The following CALN1 variants were observed in gnomAD, a reference collection of about 807,000 sequenced individuals.
CALN1 encodes calcium-binding protein 8.
CALN1 carries 17 observed loss-of-function variants against 30.6 expected under a neutral mutation model. That is an observed-to-expected ratio of 0.56 (90% CI 0.38 to 0.83). The LOEUF (loss-of-function observed/expected upper bound fraction) is 0.83, where lower values mean the gene tolerates loss of function less well. Among genes scored for constraint, CALN1 ranks in the 40% least tolerant of loss-of-function variants. The pLI is 0.00. For synonymous variants in CALN1, 156 were observed against 131.4 expected (o/e 1.19, Z -1.28); for missense variants, 291 against 354.9 (o/e 0.82, Z 1.45).
intron 5 of CALN1, among the ~76,000 whole-genome samples, chr7:71,936,225 G>A (rs1311728751): frequency 2.0e-5 from 3 of 152,038 alleles, no homozygotes; most frequent in East Asian, 1.9e-4. Context: ...TGGACTGGGC[G>A]CGGTGGCTCA....
intron 2 of CALN1, among the ~76,000 whole-genome samples, chr7:72,327,522 C>T (rs980720810): frequency 1.3e-5 from 2 of 152,194 alleles, no homozygotes; most frequent in African/African-American, 2.4e-5. Flanking sequence ...CTTCATTGAA[C>T]GTTTTTCTTT....
chr7:72,407,958 TGA>T (rs1806818090), intron 1 of CALN1, among the ~76,000 whole-genome samples: 1 of 152,128 alleles, frequency 6.6e-6, no homozygotes, highest in South Asian at 2.1e-4. Context: ...AGCTTGTTCC[TGA>T]GAGTATCCAA....
intron 2 of CALN1, among the ~76,000 whole-genome samples, chr7:72,338,767 G>A (rs1206504972): frequency 2.6e-5 from 4 of 151,996 alleles, no homozygotes; most frequent in Non-Finnish European, 5.9e-5. Context: ...ATGGAGAACC[G>A]GGTAGCATTC....
chr7:72,300,066 G>A (rs373609344), intron 2 of CALN1, among the ~76,000 whole-genome samples: 2 of 151,666 alleles, frequency 1.3e-5, no homozygotes, highest in Non-Finnish European at 2.9e-5. Flanking sequence ...ATTTTTAACA[G>A]AGATAGGGTT....
chr7:72,300,139 C>T (rs1799154877), intron 2 of CALN1, among the ~76,000 whole-genome samples: 1 of 151,986 alleles, frequency 6.6e-6, no homozygotes, highest in South Asian at 2.1e-4. Flanking sequence ...CTCGTCCTCC[C>T]AAAGTGCTGG....
intron 5 of CALN1, among the ~76,000 whole-genome samples, chr7:71,874,228 T>C (rs940857458): frequency 7.0e-6 from 1 of 143,444 alleles, no homozygotes; most frequent in South Asian, 2.2e-4. Context: ...TGAGCTGAGA[T>C]CTCACCACTG....
intron 3 of CALN1, among the ~76,000 whole-genome samples, chr7:72,263,965 C>T (rs1293385799): frequency 1.3e-5 from 2 of 152,194 alleles, no homozygotes; most frequent in Non-Finnish European, 2.9e-5. Context: ...CCTTGCTGAA[C>T]TGCTTTGCAT....
intron 2 of CALN1, among the ~76,000 whole-genome samples, chr7:72,281,945 A>C (rs1410744670): frequency 6.6e-6 from 1 of 152,216 alleles, no homozygotes; most frequent in African/African-American, 2.4e-5. Context: ...TTCTGAAAAA[A>C]AAAGGCAGCT....
chr7:71,974,418 A>AG (rs1798000134), intron 5 of CALN1, among the ~76,000 whole-genome samples: 1 of 58,190 alleles, frequency 1.7e-5, no homozygotes. Flanking sequence ...ACTCCATCTC[A>AG]AAAAAAAAAA....
intron 5 of CALN1, among the ~76,000 whole-genome samples, chr7:72,017,575 G>T (rs972025477): frequency 6.6e-6 from 1 of 152,100 alleles, no homozygotes; most frequent in Admixed American, 6.6e-5. Flanking sequence ...GTGTGTGCTC[G>T]GGAGTATTGC....
intron 3 of CALN1, among the ~76,000 whole-genome samples, chr7:72,125,844 C>A (rs10434994): frequency 6.9e-6 from 1 of 145,976 alleles, no homozygotes; most frequent in African/African-American, 2.5e-5. Context: ...CCCTGTCGCC[C>A]AGGCTAGAGT....
chr7:72,126,394 A>T (rs555894748), intron 3 of CALN1, among the ~76,000 whole-genome samples: 1 of 152,272 alleles, frequency 6.6e-6, no homozygotes, highest in Admixed American at 6.5e-5. Flanking sequence ...TGACTCCAGC[A>T]ACTGGAAGAA....
chr7:72,163,392 T>A (rs55775264), intron 3 of CALN1, among the ~76,000 whole-genome samples: 36,462 of 77,576 alleles, frequency 0.47, 5,816 homozygotes, highest in African/African-American at 0.49. Flanking sequence ...TATTGGAGAT[T>A]AAAAAAAAAA....
the CALN1 span, among the ~76,000 whole-genome samples, chr7:72,501,982 C>T: frequency 6.2e-5 from 7 of 112,828 alleles, no homozygotes; most frequent in Admixed American, 1.9e-4. Context: ...TATATACACA[C>T]ATATATATAT....
chr7:71,859,771 T>C (rs1048194790), intron 5 of CALN1, among the ~76,000 whole-genome samples: 1 of 152,184 alleles, frequency 6.6e-6, no homozygotes, highest in Non-Finnish European at 1.5e-5. Flanking sequence ...ACTGAGCCCA[T>C]GCGGACACGG....
chr7:72,183,507 G>T (rs1789965211), intron 3 of CALN1, among the ~76,000 whole-genome samples: 1 of 152,176 alleles, frequency 6.6e-6, no homozygotes, highest in Non-Finnish European at 1.5e-5. Flanking sequence ...AGGACTTGGT[G>T]ACTGCTAAAA....
chr7:72,190,842 TA>T lies in CALN1; in HGVS notation c.245-84549del, dbSNP rs1044559798. Among the ~76,000 whole-genome samples the T allele has an allele frequency of 5.9e-4, 50 of 85,344 alleles. No homozygotes were observed. The East Asian group carries it at 0.047, about 80-fold the overall frequency. 56.0% of individuals were successfully genotyped at this position (85,344 alleles called of 152,430 possible). On this transcript the variant is annotated intron_variant, in intron 3 of 6. Coordinates refer to ENST00000395275, the MANE Select transcript of CALN1 (RefSeq NM_031468.4). ...TGCCTACATCTGTACATCGATTTAT[TA>T]TTATTTTTTTTCAGTTAAAAAATGT... is the stretch of plus-strand genomic sequence containing the variant.
chr7:72,395,546 T>C (rs1014536681), intron 2 of CALN1, among the ~76,000 whole-genome samples: 2 of 152,328 alleles, frequency 1.3e-5, no homozygotes, highest in South Asian at 2.1e-4. Flanking sequence ...GAAGCACCTT[T>C]AGAGGAACAT....
chr7:72,377,540 T>C (rs1251381994), intron 2 of CALN1, among the ~76,000 whole-genome samples: 1 of 152,082 alleles, frequency 6.6e-6, no homozygotes, highest in African/African-American at 2.4e-5. Flanking sequence ...GGAATAATTA[T>C]GGAAATTAGA....
Sources: gnomAD v4.1 joint callset for allele counts (sites outside exome capture counted in the v4.1 genomes callset) on GRCh38, gnomAD v4.1.1 for gene constraint, MANE v1.5 for transcripts, NCBI Gene and HGNC (gene_info 2026-07-23, HGNC 2026-07-21) for gene names.